FRY: variants seen among roughly 807,000 people sequenced by gnomAD.
The protein encoded by FRY is FRY microtubule binding protein, also known as protein furry homolog.
In FRY, 128 loss-of-function variants were observed where a neutral mutation model predicts 348.4. That is an observed-to-expected ratio of 0.37 (90% confidence interval 0.32 to 0.43). FRY has a LOEUF of 0.43. FRY is among the 20% of genes least tolerant of loss of function. The pLI is 1.00. For synonymous variants in FRY, 1,370 were observed against 1,374.7 expected, an observed-to-expected ratio of 1.00 and a Z score of 0.08; for missense variants, 2,736 against 3,695.2, an observed-to-expected ratio of 0.74 and a Z score of 6.73.
At chr13:32,248,060 T>C (rs1886893925) in intron 48 of FRY, among the ~76,000 whole-genome samples, 1 of 152,204 alleles carries the variant, frequency 6.6e-6, no homozygotes, top group Admixed American at 6.5e-5. Flanking sequence ...CATGTTTACC[T>C]GATAGTCCAT....
In FRY at chr13:32,212,381, A is replaced by G; in HGVS notation, c.4681A>G (p.Arg1561Gly). Residue 1561 changes from arginine to glycine, a missense_variant and splice_region_variant, in exon 35 of 61, where the codon AGG (arginine) becomes GGG (glycine). Physicochemically the swap from Arg to Gly is moderately radical, Grantham distance 125. Transcript: ENST00000542859. ...CAAGATATTGAAAGAATCTGATGAAAGGTTGGTACACAAATTTGACTTAAT... is the reference window on the plus strand; with the variant it reads ...CAAGATATTGAAAGAATCTGATGAAGGGTTGGTACACAAATTTGACTTAAT... ...ENKILKESDE[R>G]FSNVIRAHTR... 6.3e-7 allele frequency: 1 copy of G among 1,577,620 alleles called. No individual in the cohort carries two copies. The highest frequency in any genetic ancestry group is 8.7e-7 in the Non-Finnish European group (1 of 1,149,908).
intron 36 of FRY, among the ~76,000 whole-genome samples, chr13:32,219,771 T>C (rs866677739): frequency 6.6e-6 from 1 of 152,104 alleles, no homozygotes; most frequent in Non-Finnish European, 1.5e-5. Context: ...CATTTCCACC[T>C]ATCTTGCGAG....
At chr13:32,071,472 G>T (rs1874655065) in intron 1 of FRY, among the ~76,000 whole-genome samples, 1 of 152,094 alleles carries the variant, frequency 6.6e-6, no homozygotes, top group South Asian at 2.1e-4. Context: ...TCTCTTTGTA[G>T]CAATTGTGAC....
chr13:32,291,123 C>G (rs1470540160), intron 59 of FRY, among the ~76,000 whole-genome samples: 1 of 151,880 alleles, frequency 6.6e-6, no homozygotes, highest in Non-Finnish European at 1.5e-5. Context: ...CCAGTGACAG[C>G]AGAGAAGTGA....
At chr13:32,283,062 A>G (rs1888889111) in intron 58 of FRY, among the ~76,000 whole-genome samples, 1 of 151,694 alleles carries the variant, frequency 6.6e-6, no homozygotes, top group African/African-American at 2.4e-5. Flanking sequence ...AATCTCTTGA[A>G]CCTGGGAGGC....
At chr13:32,221,946 C>G (rs1009510093) in intron 36 of FRY, among the ~76,000 whole-genome samples, 15 of 152,142 alleles carry the variant, frequency 9.9e-5, no homozygotes, top group African/African-American at 3.1e-4. Flanking sequence ...TCCCCACTCT[C>G]CTGGAGCTTA....
intron 35 of FRY, 87 bp from the exon 36 acceptor site, chr13:32,218,662 A>G (rs1188518703): frequency 2.8e-6 from 2 of 720,166 alleles, no homozygotes; most frequent in African/African-American, 3.9e-5. Flanking sequence ...CTGGTGACAG[A>G]GTGAGACTCC....
rs757881575 is a variant in FRY at position 32,208,962 on chromosome 13, C to T, written c.4128C>T (p.Leu1376=). 6.2e-7 allele frequency: 1 copy of T among 1,614,140 alleles called. No homozygotes were observed. The highest frequency in any genetic ancestry group is 8.5e-7 in the Non-Finnish European group (1 of 1,180,032). ...NIELVDSRLL[L]PGSSPSSPED... ...AGCTGGTGGACAGCAGGCTCCTCCTCCCGGGGTCGAGCCCCAGCAGCCCAG... is the reference window on the plus strand; with the variant it reads ...AGCTGGTGGACAGCAGGCTCCTCCTTCCGGGGTCGAGCCCCAGCAGCCCAG... Residue 1376 remains leucine (L), a synonymous_variant, in exon 32 of 61, where the codon CTC becomes CTT. Transcript: ENST00000542859.
At chr13:32,094,965 A>G (rs181331121) in intron 2 of FRY, among the ~76,000 whole-genome samples, 26 of 152,346 alleles carry the variant, frequency 1.7e-4, no homozygotes, top group Non-Finnish European at 2.9e-5. Flanking sequence ...CATTCCCACC[A>G]ACCAGTGTAT....
At chr13:32,044,996 G>A (rs1417684925) in intron 1 of FRY, among the ~76,000 whole-genome samples, 1 of 152,154 alleles carries the variant, frequency 6.6e-6, no homozygotes, top group Non-Finnish European at 1.5e-5. Context: ...TTGTGTATAT[G>A]TGGGTAAGAG....
At chr13:32,274,595 T>A (rs1336900882) in intron 55 of FRY, among the ~76,000 whole-genome samples, 3 of 149,482 alleles carry the variant, frequency 2.0e-5, no homozygotes, top group Admixed American at 6.7e-5. Flanking sequence ...TCCCAGCTAC[T>A]CGGGAGGCTG....
At position 32,102,020 on chromosome 13, in the gene FRY, T is replaced by C. The variant is rs200563621; in HGVS notation, c.324+4T>C. The C allele has an allele frequency of 9.6e-5, 144 of 1,498,014 alleles. 1 individual carries two copies. The Admixed American group carries it at 2.4e-3, about 25-fold the overall frequency. The allele number at this position is 1,498,014 out of a possible 1,614,324, so 92.8% of individuals were successfully genotyped here. A position where few individuals can be genotyped will look rare whatever the true frequency, so the allele number is the denominator to read the frequency against. ...AGAAGACCCCCAATTTGATCAGGTA[T>C]GTGATATATATGTTATATACTAGTT... On this transcript the variant is annotated splice_donor_region_variant and intron_variant, in intron 3 of 60. Transcript: ENST00000542859.
rs368105613 is a variant in FRY at position 32,079,063 on chromosome 13, T to TAAGA, written c.270+30_270+31insAAGA. 4,134 of 1,428,358 alleles carry TAAGA rather than the reference T, an allele frequency of 2.9e-3. 93 individuals are homozygous for TAAGA. In the African/African-American group the frequency reaches 0.049, roughly 17 times the overall value. The allele number at this position is 1,428,358 out of a possible 1,614,324, so 88.5% of individuals were successfully genotyped here. A position where few individuals can be genotyped will look rare whatever the true frequency, so the allele number is the denominator to read the frequency against. On this transcript the variant is annotated intron_variant, in intron 2 of 60. Transcript: ENST00000542859. ...GTACATGCCGTGGAAACTGCCTCTT[T>TAAGA]GAAAATTCATCTGTATGCTGAATAT...
chr13:32,282,037 TGA>T (rs1888834745), intron 58 of FRY, among the ~76,000 whole-genome samples: 1 of 152,198 alleles, frequency 6.6e-6, no homozygotes, highest in Non-Finnish European at 1.5e-5. Context: ...GAGAGAAAAC[TGA>T]GTCCTTACAC....
At chr13:32,283,696 G>C (rs545007159) in intron 58 of FRY, among the ~76,000 whole-genome samples, 43 of 152,242 alleles carry the variant, frequency 2.8e-4, no homozygotes, top group African/African-American at 1.0e-3. Context: ...AATGATTTGG[G>C]CTTCTTGGTG....
At chr13:32,286,795 G>C (rs570659085) in intron 58 of FRY, among the ~76,000 whole-genome samples, 19 of 137,884 alleles carry the variant, frequency 1.4e-4, no homozygotes, top group Non-Finnish European at 2.9e-4. Flanking sequence ...GATGGTAGCT[G>C]CTGTTGAACA....
In FRY at chr13:32,247,473, A is replaced by T; in HGVS notation, c.6979A>T (p.Thr2327Ser). The change falls in exon 48 of 61, where the codon ACC becomes TCC. Residue 2327 changes from threonine to serine, a missense_variant. By Grantham distance (58) the Thr-to-Ser change is moderately conservative. Transcript: ENST00000542859. ...TGCTTCCAAGGAATTACCTGGGAAA[A>T]CCCTGGACTTCCACTTCGATATTTC... ...TSASKELPGKTLDFHFDISET... is the reference protein window; with the variant it reads ...TSASKELPGKSLDFHFDISET... The T allele has an allele frequency of 6.2e-7, 1 of 1,613,176 alleles. No individual in the cohort carries two copies. Among genetic ancestry groups the T allele is most frequent in the South Asian group, 1.1e-5 (1 of 91,028 alleles).
chr13:32,182,826 G>A (rs970315900), intron 23 of FRY, 151 bp from the exon 24 acceptor site: 9 of 614,684 alleles, frequency 1.5e-5, no homozygotes, highest in African/African-American at 3.7e-5. Context: ...AGCTTAGCAC[G>A]TGATTGGGAA....
At chr13:32,260,486 T>C (rs1887573454) in intron 51 of FRY, among the ~76,000 whole-genome samples, 1 of 152,204 alleles carries the variant, frequency 6.6e-6, no homozygotes, top group Non-Finnish European at 1.5e-5. Flanking sequence ...TAACTGATGG[T>C]TTGTAGAGAA....
Sources: gnomAD v4.1 joint callset for allele counts (sites outside exome capture counted in the v4.1 genomes callset) on GRCh38, gnomAD v4.1.1 for gene constraint, MANE v1.5 for transcripts, NCBI Gene and HGNC (gene_info 2026-07-23, HGNC 2026-07-21) for gene names.